PDE4D: variants seen among roughly 807,000 people sequenced by gnomAD.
PDE4D encodes phosphodiesterase 4D, also known as 3',5'-cyclic-AMP phosphodiesterase 4D.
PDE4D carries 24 observed loss-of-function variants against 87.4 expected under a neutral mutation model. The ratio of observed to expected loss-of-function variants is 0.27; its 90% CI spans 0.20 to 0.39. PDE4D has a LOEUF of 0.39. Among genes scored for constraint, PDE4D ranks in the 10% least tolerant of loss-of-function variants. The pLI is 1.00. For missense variants in PDE4D, 714 were observed against 1,041.0 expected (o/e 0.69, Z 4.32); for synonymous variants, 384 against 383.2 (o/e 1.00, Z -0.02).
At chr5:60,058,482 C>T (rs993448148) in intron 2 of PDE4D, among the ~76,000 whole-genome samples, 4 of 151,800 alleles carry the variant, frequency 2.6e-5, no homozygotes, top group Admixed American at 2.0e-4. Flanking sequence ...AGTGTTAGCA[C>T]TGTTATTATA....
intron 1 of PDE4D, among the ~76,000 whole-genome samples, chr5:59,593,288 G>T (rs112240024): frequency 1.8e-3 from 269 of 150,922 alleles, no homozygotes; most frequent in African/African-American, 6.3e-3. Flanking sequence ...ATTATCAGCT[G>T]GGCATGGTGG....
At chr5:59,805,704 A>T (rs1374194221) in intron 1 of PDE4D, among the ~76,000 whole-genome samples, 2 of 152,222 alleles carry the variant, frequency 1.3e-5, no homozygotes, top group African/African-American at 2.4e-5. Context: ...GTGGATAGGG[A>T]TATTTAGTCC....
At chr5:60,036,481 G>C (rs1312715239) in intron 2 of PDE4D, among the ~76,000 whole-genome samples, 1 of 152,174 alleles carries the variant, frequency 6.6e-6, no homozygotes. Flanking sequence ...AAAGGTGTTG[G>C]TGAATTTACA....
chr5:59,531,707 T>A (rs1462863560), intron 1 of PDE4D, among the ~76,000 whole-genome samples: 1 of 152,216 alleles, frequency 6.6e-6, no homozygotes, highest in Non-Finnish European at 1.5e-5. Flanking sequence ...TGACCCTTTT[T>A]CTGTTATCAC....
chr5:59,659,020 T>G (rs1416962828), intron 1 of PDE4D, among the ~76,000 whole-genome samples: 2 of 152,102 alleles, frequency 1.3e-5, no homozygotes, highest in Non-Finnish European at 2.9e-5. Context: ...TAAAAGAAAT[T>G]TTAATGCAAC....
intron 1 of PDE4D, among the ~76,000 whole-genome samples, chr5:60,231,922 AT>A (rs760364325): frequency 2.8e-4 from 43 of 151,978 alleles, no homozygotes; most frequent in Middle Eastern, 3.2e-3. Context: ...TAAACAGACA[AT>A]AAATGTTGGA....
chr5:59,610,671 G>A (rs574855226), intron 1 of PDE4D, among the ~76,000 whole-genome samples: 1 of 152,128 alleles, frequency 6.6e-6, no homozygotes, highest in African/African-American at 2.4e-5. Context: ...AACATTTTGA[G>A]TATATGCACA....
intron 1 of PDE4D, among the ~76,000 whole-genome samples, chr5:60,464,426 G>T (rs1042803367): frequency 3.9e-5 from 6 of 152,174 alleles, no homozygotes; most frequent in Non-Finnish European, 8.8e-5. Context: ...TGAGAATCCA[G>T]TCATCACTCT....
intron 6 of PDE4D, chr5:59,002,087 C>A (rs753694043): frequency 3.9e-6 from 2 of 514,994 alleles, no homozygotes; most frequent in Non-Finnish European, 7.8e-6. Flanking sequence ...TAATCTGAAT[C>A]CAAATATTTA....
chr5:59,272,531 A>AT (rs149709000), intron 1 of PDE4D, among the ~76,000 whole-genome samples: 5,151 of 152,106 alleles, frequency 0.034, 319 homozygotes, highest in African/African-American at 0.12. Context: ...ATGCAGGCAC[A>AT]TTTTTTTAAA....
intron 5 of PDE4D, among the ~76,000 whole-genome samples, chr5:59,175,186 A>T (rs541544137): frequency 6.6e-6 from 1 of 152,200 alleles, no homozygotes; most frequent in East Asian, 1.9e-4. Context: ...GTTCCAATGC[A>T]CTCTTTACTT....
intron 1 of PDE4D, among the ~76,000 whole-genome samples, chr5:60,278,673 C>A (rs1456592822): frequency 6.6e-6 from 1 of 151,854 alleles, no homozygotes; most frequent in Non-Finnish European, 1.5e-5. Context: ...GTATTCTGCC[C>A]ATCCACTAAG....
intron 2 of PDE4D, among the ~76,000 whole-genome samples, chr5:60,131,988 C>A (rs757769478): frequency 2.6e-5 from 4 of 152,210 alleles, no homozygotes; most frequent in Non-Finnish European, 5.9e-5. Context: ...CAACACCACT[C>A]ACTCATATTT....
intron 2 of PDE4D, among the ~76,000 whole-genome samples, chr5:60,119,565 A>C (rs777352748): frequency 2.6e-5 from 4 of 152,182 alleles, no homozygotes; most frequent in Admixed American, 6.6e-5. Flanking sequence ...TCCTTCATTG[A>C]CCTTGGATAA....
intron 1 of PDE4D, among the ~76,000 whole-genome samples, chr5:59,376,703 C>T (rs1322483801): frequency 6.6e-6 from 1 of 152,044 alleles, no homozygotes; most frequent in Non-Finnish European, 1.5e-5. Flanking sequence ...TCATATGGAA[C>T]CAAAAAAGAG....
At chr5:59,711,544 A>G (rs891394824) in intron 1 of PDE4D, among the ~76,000 whole-genome samples, 1 of 152,022 alleles carries the variant, frequency 6.6e-6, no homozygotes, top group Non-Finnish European at 1.5e-5. Context: ...ACTAGGATTG[A>G]GTTTCTGTGG....
intron 5 of PDE4D, among the ~76,000 whole-genome samples, chr5:59,070,234 A>T (rs1008321629): frequency 6.6e-6 from 1 of 152,176 alleles, no homozygotes; most frequent in Admixed American, 6.5e-5. Context: ...TACAAGAGTG[A>T]TCAATTTTTA....
At chr5:59,056,138 G>C (rs1762316800) in intron 5 of PDE4D, among the ~76,000 whole-genome samples, 1 of 152,160 alleles carries the variant, frequency 6.6e-6, no homozygotes, top group Non-Finnish European at 1.5e-5. Flanking sequence ...AGCTTGGCTG[G>C]GATAGAGGGA....
intron 1 of PDE4D, among the ~76,000 whole-genome samples, chr5:59,342,968 T>TC (rs1779002284): frequency 1.0e-5 from 1 of 96,104 alleles, no homozygotes; most frequent in South Asian, 4.1e-4. Context: ...TTAGAAATTT[T>TC]CTTTTTTTTT....
Sources: allele counts gnomAD v4.1 joint callset (sites outside exome capture counted in the v4.1 genomes callset), GRCh38; gene constraint gnomAD v4.1.1; transcripts MANE v1.5; gene names NCBI Gene and HGNC (gene_info 2026-07-23, HGNC 2026-07-21).